ADCY8: variants seen among roughly 807,000 people sequenced by gnomAD.
The protein encoded by ADCY8 is adenylate cyclase type 8.
Under a neutral mutation model 119.7 loss-of-function variants are expected in ADCY8, and 51 were observed. That is an observed-to-expected ratio of 0.43 (90% CI 0.34 to 0.54). ADCY8 has a LOEUF of 0.54. Among genes scored for constraint, ADCY8 ranks in the 20% least tolerant of loss-of-function variants. The pLI, the probability that ADCY8 is intolerant of heterozygous loss-of-function variation, is 0.03. For missense variants in ADCY8, 1,383 were observed against 1,598.8 expected (o/e 0.87, Z 2.30); for synonymous variants, 665 against 651.0 (o/e 1.02, Z -0.33).
At chr8:131,020,346 G>A (rs947964222) in intron 1 of ADCY8, among the ~76,000 whole-genome samples, 1 of 151,006 alleles carries the variant, frequency 6.6e-6, no homozygotes, top group Non-Finnish European at 1.5e-5. Flanking sequence ...TAGAGTGGAA[G>A]GAGAAGACAC....
intron 9 of ADCY8, among the ~76,000 whole-genome samples, chr8:130,861,187 TC>T (rs1817917808): frequency 6.6e-6 from 1 of 152,224 alleles, no homozygotes. Context: ...TATGCTATAT[TC>T]TTTGTCTTTT....
At chr8:130,927,144 A>G (rs556118429) in intron 5 of ADCY8, among the ~76,000 whole-genome samples, 1 of 152,194 alleles carries the variant, frequency 6.6e-6, no homozygotes, top group South Asian at 2.1e-4. Context: ...TGGTAGTTCT[A>G]TTTTTTAAGT....
At chr8:130,820,730 G>T (rs893235196) in intron 13 of ADCY8, among the ~76,000 whole-genome samples, 6 of 152,136 alleles carry the variant, frequency 3.9e-5, no homozygotes, top group African/African-American at 1.4e-4. Flanking sequence ...AAAGAGTAGG[G>T]GCTCATGGAA....
intron 7 of ADCY8, chr8:130,892,818 T>A (rs1819234619): frequency 6.6e-6 from 1 of 152,142 alleles, no homozygotes; most frequent in Non-Finnish European, 1.5e-5. Flanking sequence ...ATAAGAAGAC[T>A]GAGACCTCAC....
At chr8:130,925,521 G>A (rs1820439794) in intron 5 of ADCY8, among the ~76,000 whole-genome samples, 1 of 152,090 alleles carries the variant, frequency 6.6e-6, no homozygotes, top group Non-Finnish European at 1.5e-5. Flanking sequence ...TACAGGAAGA[G>A]GCAGGAAACA....
At chr8:130,966,962 C>A (rs182268537) in intron 2 of ADCY8, among the ~76,000 whole-genome samples, 1 of 151,964 alleles carries the variant, frequency 6.6e-6, no homozygotes, top group East Asian at 1.9e-4. Context: ...AAAGCTTTCA[C>A]TCTTAGAAAA....
intron 13 of ADCY8, among the ~76,000 whole-genome samples, chr8:130,814,950 C>T (rs1421927958): frequency 1.3e-5 from 2 of 152,192 alleles, no homozygotes; most frequent in African/African-American, 4.8e-5. Context: ...GTCTGTGTCC[C>T]TCTCAAATTC....
intron 14 of ADCY8, among the ~76,000 whole-genome samples, chr8:130,810,275 C>T (rs528603911): frequency 1.1e-4 from 17 of 151,946 alleles, no homozygotes; most frequent in Non-Finnish European, 1.6e-4. Context: ...GAGTTCTTGC[C>T]GGCCACTACA....
intron 8 of ADCY8, among the ~76,000 whole-genome samples, chr8:130,883,563 A>G (rs1818861570): frequency 6.6e-6 from 1 of 152,210 alleles, no homozygotes; most frequent in South Asian, 2.1e-4. Context: ...AACTAAGGAA[A>G]GCAAATCTCC....
intron 1 of ADCY8, among the ~76,000 whole-genome samples, chr8:131,031,782 T>C (rs1824004630): frequency 6.6e-6 from 1 of 151,556 alleles, no homozygotes; most frequent in Non-Finnish European, 1.5e-5. Context: ...AAATTTCTGA[T>C]TTTTTTTTAA....
chr8:130,814,119 A>G lies in ADCY8; in HGVS notation c.2863T>C (p.Leu955=), dbSNP rs779921807. 4 of 1,614,128 alleles carry G rather than the reference A, an allele frequency of 2.5e-6. No homozygotes were observed. Residue 955 remains leucine (L), a synonymous_variant, in exon 14 of 18, where the codon TTA becomes CTA. Coordinates refer to ENST00000286355, the MANE Select transcript of ADCY8 (RefSeq NM_001115.3). The part of the protein sequence containing the change: ...EHNENMLRNI[L]PSHVARHFLE... ...AAATGGCGGGCCACATGGCTGGGTA[A>G]GATATTCCGGAGCATGTTCTCATTG...
At chr8:130,879,158 C>T (rs1818672037) in intron 8 of ADCY8, among the ~76,000 whole-genome samples, 1 of 152,076 alleles carries the variant, frequency 6.6e-6, no homozygotes, top group Admixed American at 6.6e-5. Flanking sequence ...GAGCCATTTC[C>T]CAGAAGAGAA....
chr8:130,864,797 A>G (rs771428979), intron 9 of ADCY8, among the ~76,000 whole-genome samples: 5 of 152,084 alleles, frequency 3.3e-5, no homozygotes, highest in Admixed American at 6.6e-5. Context: ...AACCTTTAAT[A>G]TATTAATAAG....
chr8:130,905,222 T>G (rs1157050972), intron 6 of ADCY8, among the ~76,000 whole-genome samples: 1 of 152,238 alleles, frequency 6.6e-6, no homozygotes, highest in Non-Finnish European at 1.5e-5. Flanking sequence ...ATCATATTAC[T>G]GTTGTGTATT....
chr8:130,940,527 G>A (rs1160911725), intron 4 of ADCY8, among the ~76,000 whole-genome samples: 2 of 151,666 alleles, frequency 1.3e-5, no homozygotes, highest in Non-Finnish European at 2.9e-5. Flanking sequence ...AAAATAAAAT[G>A]TATGTAATAT....
At chr8:130,922,543 C>T (rs987422556) in intron 5 of ADCY8, among the ~76,000 whole-genome samples, 5 of 152,050 alleles carry the variant, frequency 3.3e-5, no homozygotes, top group Non-Finnish European at 5.9e-5. Flanking sequence ...CACAGATCAA[C>T]AGGATCCCAA....
chr8:130,826,527 T>A (rs1816672617), intron 12 of ADCY8, among the ~76,000 whole-genome samples: 1 of 152,218 alleles, frequency 6.6e-6, no homozygotes, highest in Non-Finnish European at 1.5e-5. Flanking sequence ...CTAGATACTA[T>A]CTATTCTAAC....
At chr8:130,875,764 T>C (rs995886787) in intron 8 of ADCY8, among the ~76,000 whole-genome samples, 2 of 152,212 alleles carry the variant, frequency 1.3e-5, no homozygotes, top group African/African-American at 2.4e-5. Flanking sequence ...TGATTTTCTT[T>C]ATAAATGACA....
At chr8:130,984,089 G>C (rs150932734) in intron 2 of ADCY8, among the ~76,000 whole-genome samples, 9 of 148,706 alleles carry the variant, frequency 6.1e-5, no homozygotes, top group African/African-American at 2.1e-4. Flanking sequence ...TAGGGGACAG[G>C]AGCCTGCATG....
Sources: allele counts gnomAD v4.1 joint callset (sites outside exome capture counted in the v4.1 genomes callset), GRCh38; gene constraint gnomAD v4.1.1; transcripts MANE v1.5; gene names NCBI Gene and HGNC (gene_info 2026-07-23, HGNC 2026-07-21).